Variants in SBDS observed in about 807,000 individuals in gnomAD.
SBDS encodes ribosome maturation protein SBDS.
In SBDS, 20 loss-of-function variants were observed where a neutral mutation model predicts 26.4. The observed-to-expected ratio is 0.76, with a 90% CI of 0.53 to 1.10. The LOEUF is 1.10. SBDS is among the 50% of genes least tolerant of loss of function. The pLI is 0.00. For synonymous variants in SBDS, 95 were observed against 105.1 expected (o/e 0.90, Z 0.59); for missense variants, 241 against 302.0 (o/e 0.80, Z 1.50).
In SBDS at chr7:66,993,399, C is replaced by T. The variant is rs771297435; in HGVS notation, c.277G>A (p.Val93Ile). ...ICKQILTKGE[V>I]QVSDKERHTQ... ...TGTCTTTCTTTATCTGATACTTGAA[C>T]TTCTCCTTTAGTCAAAATCTAAAAA... The change falls in exon 3 of 5, where the codon GTT (valine) becomes ATT (isoleucine). Residue 93 changes from valine (V) to isoleucine (I), a missense_variant. Coordinates refer to ENST00000246868, the MANE Select transcript of SBDS (RefSeq NM_016038.4). 7 of 1,613,950 alleles carry T rather than the reference C, an allele frequency of 4.3e-6. No homozygotes were observed. In the South Asian group the frequency reaches 7.7e-5, roughly 18 times the overall value.
In SBDS at chr7:66,995,519, G is replaced by A. The variant is rs1793093595; in HGVS notation, c.-102C>T. On this transcript the variant is annotated 5_prime_UTR_variant, in exon 1 of 5. Transcript: ENST00000246868. ...CGCGGTAACGACCGATCGGCGCGCG[G>A]CACTGACCCAACCACCAGTGCGCGG... 2 of 1,562,994 alleles carry A rather than the reference G, an allele frequency of 1.3e-6. No individual in the cohort carries two copies. The highest frequency in any genetic ancestry group is 1.8e-6 in the Non-Finnish European group (2 of 1,142,440).
At chr7:66,989,555 T>TAAAA (rs1308561242) in intron 4 of SBDS, among the ~76,000 whole-genome samples, 2 of 151,780 alleles carry the variant, frequency 1.3e-5, no homozygotes, top group African/African-American at 4.8e-5. Flanking sequence ...CAAAAATAAA[T>TAAAA]AAATAAATAA....
chr7:66,995,273 G>C lies in SBDS; in HGVS notation c.128+17C>G, dbSNP rs1234348532. The C allele has an allele frequency of 6.2e-7, 1 of 1,613,322 alleles. No individual in the cohort carries two copies. The highest frequency in any genetic ancestry group is 1.3e-5 in the African/African-American group (1 of 74,920). ...GGCTCAGGCCCAGGCCCAGGCCCGA[G>C]GGAGGGGGCTACTCACACGCCGCTC... On this transcript the variant is annotated intron_variant, in intron 1 of 4. Coordinates refer to ENST00000246868, the MANE Select transcript of SBDS (RefSeq NM_016038.4).
At chr7:66,992,199 C>T (rs1333343970) in intron 3 of SBDS, among the ~76,000 whole-genome samples, 1 of 152,052 alleles carries the variant, frequency 6.6e-6, no homozygotes, top group East Asian at 1.9e-4. Context: ...CATGCTGATG[C>T]AGGTTACAAC....
In SBDS at chr7:66,987,705, T is replaced by C. The variant is rs1273389560; in HGVS notation, c.*666A>G. The C allele has an allele frequency of 2.4e-5, 4 of 166,660 alleles. No homozygotes were observed. The highest frequency in any genetic ancestry group is 9.6e-5 in the African/African-American group (4 of 41,852). The allele number at this position is 166,660 out of a possible 1,614,324, so 10.3% of individuals were successfully genotyped here. The stretch of plus-strand genomic sequence containing the variant: ...TCTAGAAACACAAGCCATAGTTTAA[T>C]AAACATAAGAGTGGTTTTATTGATT... On this transcript the variant is annotated 3_prime_UTR_variant, in exon 5 of 5. Coordinates refer to ENST00000246868, the MANE Select transcript of SBDS (RefSeq NM_016038.4).
Position 66,994,343 on chromosome 7 carries a change from T to C in SBDS, c.129-2A>G, listed in dbSNP as rs775057252. 1 of 1,613,584 alleles carries C rather than the reference T, an allele frequency of 6.2e-7. No individual in the cohort carries two copies. Among genetic ancestry groups the C allele is most frequent in the Non-Finnish European group, 8.5e-7 (1 of 1,179,638 alleles). ...AGAACTTCATCGAGGTCTTTTTCCC[T>C]TGTGAGGGCAGGAGAGAAAGTCCTA... On this transcript the variant is annotated splice_acceptor_variant, in intron 1 of 4. Transcript: ENST00000246868. LOFTEE classifies it high-confidence loss of function.
intron 4 of SBDS, among the ~76,000 whole-genome samples, chr7:66,990,381 G>T (rs1167713159): frequency 6.6e-6 from 1 of 152,208 alleles, no homozygotes; most frequent in East Asian, 1.9e-4. Context: ...GGACTTTAGA[G>T]ATTTTGATTT....
At position 66,993,345 on chromosome 7, in the gene SBDS, T is replaced by C. The variant is rs1419538315; in HGVS notation, c.331A>G (p.Ile111Val). The C allele has an allele frequency of 1.2e-6, 2 of 1,614,012 alleles. No individual in the cohort carries two copies. The highest frequency in any genetic ancestry group is 1.7e-6 in the Non-Finnish European group (2 of 1,179,984). ...CATTTGTCTGCCACAATAGTTGCAA[T>C]GTCCCTAAACATCTGCTCCAGTTGT... ...HTQLEQMFRD[I>V]ATIVADKCVN... Residue 111 changes from isoleucine (I) to valine (V), a missense_variant, in exon 3 of 5, where the codon ATT becomes GTT. Transcript: ENST00000246868.
chr7:66,994,888 G>A (rs531256237), intron 1 of SBDS, among the ~76,000 whole-genome samples: 66 of 152,302 alleles, frequency 4.3e-4, no homozygotes, highest in Non-Finnish European at 7.5e-4. Context: ...TCCCTAGATG[G>A]CAGCAGTGAA....
At position 66,994,197 on chromosome 7, in the gene SBDS, G is replaced by A; in HGVS notation, c.258+15C>T. 1 of 1,613,484 alleles carries A rather than the reference G, an allele frequency of 6.2e-7. No individual in the cohort carries two copies. The highest frequency in any genetic ancestry group is 8.5e-7 in the Non-Finnish European group (1 of 1,179,642). On this transcript the variant is annotated intron_variant, in intron 2 of 4. Transcript: ENST00000246868. ...AATGGTTATTAGGGTTAGCTATGCTGCAGCTGTTACCCACCTGCTTACAGA... is the reference window on the plus strand; with the variant it reads ...AATGGTTATTAGGGTTAGCTATGCTACAGCTGTTACCCACCTGCTTACAGA...
chr7:66,994,368 A>G (rs1253676638), intron 1 of SBDS, 27 bp from the exon 2 acceptor site: 2 of 1,608,948 alleles, frequency 1.2e-6, no homozygotes, highest in Non-Finnish European at 1.7e-6. Context: ...AGAAAGTCCT[A>G]TGTGAATATA....
Position 66,992,042 on chromosome 7 carries a change from C to T in SBDS, c.460-741G>A, listed in dbSNP as rs114071740. On this transcript the variant is annotated intron_variant, in intron 3 of 4. Coordinates refer to ENST00000246868, the MANE Select transcript of SBDS (RefSeq NM_016038.4). ...ACAGAAATGAAAACATATGTCTACACAGAAACATACAAGAAATTTTATAGC... is the reference window on the plus strand; with the variant it reads ...ACAGAAATGAAAACATATGTCTACATAGAAACATACAAGAAATTTTATAGC... Among the ~76,000 whole-genome samples the T allele has an allele frequency of 7.6e-3, 1,153 of 152,272 alleles. 18 individuals carry two copies. Among genetic ancestry groups the T allele is most frequent in the African/African-American group, 0.026 (1,084 of 41,556 alleles).
chr7:66,994,511 C>CCGCCCT lies in SBDS; in HGVS notation c.129-171_129-170insAGGGCG, dbSNP rs1243890197. 6.1e-6 allele frequency: 4 copies of CCGCCCT among 658,810 alleles called. No homozygotes were observed. In the South Asian group the frequency reaches 6.3e-5, roughly 10 times the overall value. The allele number at this position is 658,810 out of a possible 1,614,324, so 40.8% of individuals were successfully genotyped here. On this transcript the variant is annotated intron_variant, in intron 1 of 4. Coordinates refer to ENST00000246868, the MANE Select transcript of SBDS (RefSeq NM_016038.4). ...TTTTCTTACCCCCCAACCCCCGCCC[C>CCGCCCT]TAGATGGAATTTCACTGTTTTTGCC...
At chr7:66,988,528 CAT>C (rs1347072741) in intron 4 of SBDS, 29 bp from the exon 5 acceptor site, 6 of 1,611,144 alleles carry the variant, frequency 3.7e-6, no homozygotes, top group Admixed American at 1.7e-5. Flanking sequence ...CAGATTACCA[CAT>C]GAGGATGAGC....
In SBDS at chr7:66,991,376, C is replaced by T. The variant is rs1192765245; in HGVS notation, c.460-75G>A. The T allele has an allele frequency of 3.6e-6, 4 of 1,111,254 alleles. 1 individual carries two copies. Among genetic ancestry groups the T allele is most frequent in the Non-Finnish European group, 5.3e-6 (4 of 758,392 alleles). 68.8% of individuals were successfully genotyped at this position (1,111,254 alleles called of 1,614,324 possible). A position where few individuals can be genotyped will look rare whatever the true frequency, so the allele number is the denominator to read the frequency against. ...AAGGTTTTCAAAAACAAAGTAGTTT[C>T]CATGTAGTTGGATTAGGTAATGGTT... On this transcript the variant is annotated intron_variant, in intron 3 of 4. Transcript: ENST00000246868.
In SBDS at chr7:66,995,574, T is replaced by C. The variant is rs971186617; in HGVS notation, c.-157A>G. On this transcript the variant is annotated 5_prime_UTR_variant, in exon 1 of 5. Transcript: ENST00000246868. ...GCGACTCACTAGCTTCAGGCAGCCG[T>C]CACAGTGTGTCTGGCAGGCTTACTT... The C allele has an allele frequency of 1.5e-4, 160 of 1,047,638 alleles. No individual in the cohort carries two copies. Among genetic ancestry groups the C allele is most frequent in the Non-Finnish European group, 2.0e-4 (141 of 708,924 alleles). The allele number at this position is 1,047,638 out of a possible 1,614,324, so 64.9% of individuals were successfully genotyped here. A position where few individuals can be genotyped will look rare whatever the true frequency, so the allele number is the denominator to read the frequency against.
intron 3 of SBDS, among the ~76,000 whole-genome samples, chr7:66,992,384 GA>G (rs1240852335): frequency 1.9e-4 from 29 of 152,100 alleles, no homozygotes; most frequent in African/African-American, 6.7e-4. Context: ...AAATGTTCTC[GA>G]ACCAGGTAGC....
chr7:66,987,869 T>C lies in SBDS; in HGVS notation c.*502A>G, dbSNP rs562253982. 1.1e-3 allele frequency: 233 copies of C among 202,806 alleles called. No individual in the cohort carries two copies. The highest frequency in any genetic ancestry group is 1.8e-3 in the Admixed American group (31 of 17,094). 12.6% of individuals were successfully genotyped at this position (202,806 alleles called of 1,614,324 possible). A position where few individuals can be genotyped will look rare whatever the true frequency, so the allele number is the denominator to read the frequency against. ...GTAAGTCCGGCACAATTTTTCTATA[T>C]CTGTTTCTCAGATAATCAGGAACAT... is the stretch of plus-strand genomic sequence containing the variant. On this transcript the variant is annotated 3_prime_UTR_variant, in exon 5 of 5. Coordinates refer to ENST00000246868, the MANE Select transcript of SBDS (RefSeq NM_016038.4).
chr7:66,989,344 G>A (rs1399244238), intron 4 of SBDS, among the ~76,000 whole-genome samples: 7 of 151,654 alleles, frequency 4.6e-5, no homozygotes, highest in African/African-American at 1.5e-4. Context: ...TCGGGAGTTC[G>A]AGACCAGCCT....
Sources: gnomAD v4.1 joint callset for allele counts (sites outside exome capture counted in the v4.1 genomes callset) on GRCh38, gnomAD v4.1.1 for gene constraint, MANE v1.5 for transcripts, NCBI Gene and HGNC (gene_info 2026-07-23, HGNC 2026-07-21) for gene names.